Variants in PRDM2 observed in about 807,000 individuals in gnomAD.
PRDM2 encodes PR domain zinc finger protein 2.
In PRDM2, 30 loss-of-function variants were observed where a neutral mutation model predicts 130.0. The observed-to-expected ratio is 0.23, with a 90% CI of 0.17 to 0.31. The LOEUF is 0.31. PRDM2 is among the 10% of genes least tolerant of loss of function. The pLI, the probability that PRDM2 is intolerant of heterozygous loss-of-function variation, is 1.00. For synonymous variants in PRDM2, 871 were observed against 782.4 expected (o/e 1.11, Z -1.89); for missense variants, 2,011 against 2,108.4 (o/e 0.95, Z 0.90).
chr1:13,722,713 T>G (rs1642770748), intron 2 of PRDM2: 1 of 399,712 alleles, frequency 2.5e-6, no homozygotes, highest in Admixed American at 2.9e-5. Flanking sequence ...CATTCTGTAT[T>G]AGAATCTTCT....
intron 6 of PRDM2, among the ~76,000 whole-genome samples, chr1:13,756,262 CA>C (rs1288638873): frequency 0.035 from 2,805 of 79,608 alleles, 28 homozygotes; most frequent in South Asian, 0.14. Context: ...GACTCCTTCT[CA>C]AAAAAAAAAA....
chr1:13,732,665 C>A, intron 3 of PRDM2, 114 bp from the exon 4 acceptor site: 1 of 674,122 alleles, frequency 1.5e-6, no homozygotes, highest in Non-Finnish European at 2.4e-6. Context: ...TTAACATTAG[C>A]TTGATTTAGG....
intron 9 of PRDM2, among the ~76,000 whole-genome samples, chr1:13,822,247 A>C (rs1214456379): frequency 6.6e-6 from 1 of 152,184 alleles, no homozygotes; most frequent in Non-Finnish European, 1.5e-5. Flanking sequence ...ATTTCCGCTC[A>C]GCACAAATGC....
At chr1:13,792,962 A>G (rs1570061428) in intron 8 of PRDM2, among the ~76,000 whole-genome samples, 1 of 152,250 alleles carries the variant, frequency 6.6e-6, no homozygotes, top group Non-Finnish European at 1.5e-5. Flanking sequence ...TTCCAGAGCC[A>G]AGCTCAACTA....
chr1:13,724,848 G>C (rs1642857802), intron 2 of PRDM2, among the ~76,000 whole-genome samples: 1 of 152,182 alleles, frequency 6.6e-6, no homozygotes, highest in South Asian at 2.1e-4. Context: ...GAAGGAGGAG[G>C]AAGAGGGGAG....
intron 6 of PRDM2, among the ~76,000 whole-genome samples, chr1:13,768,349 C>T (rs570525379): frequency 6.6e-6 from 1 of 151,326 alleles, no homozygotes; most frequent in East Asian, 1.9e-4. Context: ...TCCCAAAGTG[C>T]TGGGATTACA....
At chr1:13,715,347 A>G (rs546622887) in intron 1 of PRDM2, among the ~76,000 whole-genome samples, 194 bp from the exon 2 acceptor site, 1 of 152,346 alleles carries the variant, frequency 6.6e-6, no homozygotes, top group East Asian at 1.9e-4. Flanking sequence ...GCCCTAGCAA[A>G]GAGTAGTAAG....
At position 13,732,828 on chromosome 1, in the gene PRDM2, T is replaced by G; in HGVS notation, c.177T>G (p.Phe59Leu). ...TAAAAGGCAAAAAATTTGGGCCATT[T>G]GTTGGTGATAAGAAAAAAAGATCTC... ...PILKGKKFGPFVGDKKKRSQV... is the reference protein window; with the variant it reads ...PILKGKKFGPLVGDKKKRSQV... Residue 59 changes from phenylalanine to leucine, a missense_variant, in exon 4 of 10, where the codon TTT (phenylalanine) becomes TTG (leucine). Phe to Leu is a conservative substitution (Grantham distance 22, BLOSUM62 0). Coordinates refer to ENST00000311066, the MANE Select transcript of PRDM2 (RefSeq NM_001393986.1). The G allele has an allele frequency of 6.2e-7, 1 of 1,609,370 alleles. No homozygotes were observed.
intron 2 of PRDM2, 50 bp from the exon 3 acceptor site, chr1:13,730,950 A>T (rs751761885): frequency 1.6e-5 from 20 of 1,239,570 alleles, no homozygotes; most frequent in Non-Finnish European, 1.8e-5. Flanking sequence ...AAAACCCATG[A>T]TTTGAGTTTT....
At chr1:13,718,516 C>T (rs1340790161) in intron 2 of PRDM2, among the ~76,000 whole-genome samples, 7 of 152,170 alleles carry the variant, frequency 4.6e-5, no homozygotes, top group Non-Finnish European at 7.3e-5. Context: ...TGTTCCAAGT[C>T]GGTCCTAGTG....
At chr1:13,773,326 T>G in intron 7 of PRDM2, 138 bp downstream of exon 7, 1 of 479,474 alleles carries the variant, frequency 2.1e-6, no homozygotes, top group Non-Finnish European at 3.6e-6. Context: ...CTGCCTAAAT[T>G]TAATGTGGTA....
intron 8 of PRDM2, among the ~76,000 whole-genome samples, chr1:13,801,027 G>C (rs543671766): frequency 1.3e-5 from 2 of 152,320 alleles, no homozygotes; most frequent in African/African-American, 4.8e-5. Flanking sequence ...TGCCTCTCCA[G>C]GAGCACCAGG....
In PRDM2 at chr1:13,779,175, A is replaced by G; in HGVS notation, c.1380A>G (p.Ser460=). 1.2e-6 allele frequency: 2 copies of G among 1,614,242 alleles called. No individual in the cohort carries two copies. The highest frequency in any genetic ancestry group is 1.6e-4 in the Middle Eastern group (1 of 6,062). ...GGCCAGACTGTCTGATCATGAATTC[A>G]GAGAAGGCTTCCCAAGACACAATAA... The part of the protein sequence containing the change: ...SLGPDCLIMN[S]EKASQDTINS... The change falls in exon 8 of 10, where the codon TCA becomes TCG. Residue 460 remains serine, a synonymous_variant. Transcript: ENST00000311066. This position sits in a 1 kb window ranked among gnomAD's most constrained non-coding sequence, Gnocchi z 4.9.
chr1:13,780,577 G>T lies in PRDM2; in HGVS notation c.2782G>T (p.Gly928Cys), dbSNP rs752684354. The T allele has an allele frequency of 6.2e-7, 1 of 1,614,028 alleles. No homozygotes were observed. Among genetic ancestry groups the T allele is most frequent in the Non-Finnish European group, 8.5e-7 (1 of 1,180,002 alleles). Residue 928 changes from glycine (G) to cysteine (C), a missense_variant, in exon 8 of 10, where the codon GGT (glycine) becomes TGT (cysteine). Physicochemically the swap from Gly to Cys is radical, Grantham distance 159. Around this residue, in one of 5 missense-constraint regions of PRDM2, gnomAD observed 1,288 missense variants for 1,237.7 expected, o/e 1.04. Coordinates refer to ENST00000311066, the MANE Select transcript of PRDM2 (RefSeq NM_001393986.1). The stretch of plus-strand genomic sequence containing the variant: ...AGAAGCTCAGCCAGATCCTGACCTC[G>T]GTCCGGGCTCTGGTTTCCCTGCCCC... ...SLEAQPDPDL[G>C]PGSGFPAPTV...
intron 8 of PRDM2, among the ~76,000 whole-genome samples, chr1:13,800,674 T>G (rs952504043): frequency 6.6e-6 from 1 of 152,156 alleles, no homozygotes; most frequent in South Asian, 2.1e-4. Flanking sequence ...TTTTTCTCCA[T>G]CAAAAAGGTT....
chr1:13,703,938 A>C (rs1480265577), intron 1 of PRDM2, among the ~76,000 whole-genome samples: 1 of 152,234 alleles, frequency 6.6e-6, no homozygotes, highest in Non-Finnish European at 1.5e-5. Flanking sequence ...TGCTTACCTA[A>C]CTTTAACTTA....
In PRDM2 at chr1:13,715,612, C is replaced by G. The variant is rs1216435041; in HGVS notation, c.7C>G (p.Gln3Glu). The change falls in exon 2 of 10, where the codon CAG (glutamine) becomes GAG (glutamate). Residue 3 changes from glutamine (Q) to glutamate (E), a missense_variant and splice_region_variant. Physicochemically the swap from Gln to Glu is conservative, Grantham distance 29. Transcript: ENST00000311066. MN[Q>E]NTTEPVAATE... ...AACACAACAGGAATTGAAAATGAAT[C>G]AGGTGAGTTTAAAAATCAGAATTTA... is the stretch of plus-strand genomic sequence containing the variant. The G allele has an allele frequency of 1.9e-6, 3 of 1,588,658 alleles. No individual in the cohort carries two copies. The African/African-American group carries it at 4.1e-5, about 22-fold the overall frequency.
intron 5 of PRDM2, among the ~76,000 whole-genome samples, chr1:13,742,913 T>G (rs1036525721): frequency 2.0e-5 from 3 of 152,246 alleles, no homozygotes; most frequent in Non-Finnish European, 4.4e-5. Context: ...CAGAACATGT[T>G]TCTTCCTTTC....
At chr1:13,788,679 C>G (rs958306123) in intron 8 of PRDM2, among the ~76,000 whole-genome samples, 2 of 152,164 alleles carry the variant, frequency 1.3e-5, no homozygotes, top group Admixed American at 1.3e-4. Context: ...GAATCTGGAA[C>G]TGGTCTTCGA....
Sources: gnomAD v4.1 joint callset for allele counts (sites outside exome capture counted in the v4.1 genomes callset) on GRCh38, gnomAD v4.1.1 for gene constraint, gnomAD v4.1.1 regional missense constraint, Gnocchi (gnomAD v3.1) non-coding constraint, MANE v1.5 for transcripts, NCBI Gene and HGNC (gene_info 2026-07-23, HGNC 2026-07-21) for gene names.